PRKN: variants seen among roughly 807,000 people sequenced by gnomAD.
The protein encoded by PRKN is E3 ubiquitin-protein ligase parkin.
In PRKN, 56 loss-of-function variants were observed where a neutral mutation model predicts 59.5. The ratio of observed to expected loss-of-function variants is 0.94; its 90% CI spans 0.76 to 1.18. The LOEUF (loss-of-function observed/expected upper bound fraction) is 1.18, where lower values mean the gene tolerates loss of function less well. Among genes scored for constraint, PRKN ranks in the 50% most tolerant of loss-of-function variants. PRKN has a pLI of 0.00. For synonymous variants in PRKN, 250 were observed against 222.1 expected (o/e 1.13, Z -1.12); for missense variants, 657 against 596.4 (o/e 1.10, Z -1.06).
chr6:161,606,946 G>A (rs759501935), intron 7 of PRKN, among the ~76,000 whole-genome samples: 8 of 152,282 alleles, frequency 5.3e-5, no homozygotes, highest in Middle Eastern at 3.4e-3. Context: ...CAGGCCACCT[G>A]GCACAGCATG....
chr6:162,268,369 T>C (rs1258308375), intron 2 of PRKN, among the ~76,000 whole-genome samples: 2 of 152,168 alleles, frequency 1.3e-5, no homozygotes, highest in East Asian at 3.9e-4. Context: ...CTTTTAGCTC[T>C]TCCCCTCTTC....
At chr6:162,211,205 T>C (rs1785185830) in intron 3 of PRKN, among the ~76,000 whole-genome samples, 1 of 152,156 alleles carries the variant, frequency 6.6e-6, no homozygotes, top group Non-Finnish European at 1.5e-5. Context: ...AGATCGGCAA[T>C]TATGGACCCA....
At chr6:161,453,393 C>T (rs1382236500) in intron 9 of PRKN, among the ~76,000 whole-genome samples, 3 of 151,638 alleles carry the variant, frequency 2.0e-5, no homozygotes, top group Non-Finnish European at 4.4e-5. Flanking sequence ...TGTTTTCTAT[C>T]ACCTTGGCTT....
At chr6:162,198,325 T>C (rs1328049189) in intron 4 of PRKN, among the ~76,000 whole-genome samples, 1 of 151,904 alleles carries the variant, frequency 6.6e-6, no homozygotes, top group African/African-American at 2.4e-5. Context: ...CAGGGTGGCA[T>C]GACATCATCA....
At chr6:162,446,576 T>C (rs929604697) in intron 1 of PRKN, among the ~76,000 whole-genome samples, 1 of 152,338 alleles carries the variant, frequency 6.6e-6, no homozygotes, top group South Asian at 2.1e-4. Context: ...TCATAAATAC[T>C]ACGGATATGA....
At position 161,419,047 on chromosome 6, in the gene PRKN, C is replaced by T. The variant is rs970557662; in HGVS notation, c.1084-32170G>A. Among the ~76,000 whole-genome samples the T allele has an allele frequency of 1.3e-5, 2 of 152,144 alleles. No individual in the cohort carries two copies. Among genetic ancestry groups the T allele is most frequent in the Admixed American group, 6.5e-5 (1 of 15,274 alleles). The stretch of plus-strand genomic sequence containing the variant: ...TCTGAAAATACGTTGGATGTAAACA[C>T]ATCGTTTACATGAAGGACATGGAAT... On this transcript the variant is annotated intron_variant, in intron 9 of 11. Coordinates refer to ENST00000366898, the MANE Select transcript of PRKN (RefSeq NM_004562.3). The surrounding 1 kb of genome is among the most constrained non-coding windows in gnomAD (Gnocchi z 4.1).
chr6:162,127,636 G>A (rs754316533), intron 4 of PRKN, among the ~76,000 whole-genome samples: 6 of 152,162 alleles, frequency 3.9e-5, no homozygotes, highest in Non-Finnish European at 5.9e-5. Context: ...GTGCATCGTT[G>A]AGTCATAGGG....
At chr6:162,057,997 G>T (rs1384050019) in intron 4 of PRKN, among the ~76,000 whole-genome samples, 1 of 152,058 alleles carries the variant, frequency 6.6e-6, no homozygotes, top group African/African-American at 2.4e-5. Flanking sequence ...TCCTTTGAGG[G>T]GAACCCAGAG....
intron 3 of PRKN, among the ~76,000 whole-genome samples, chr6:162,222,075 C>T (rs191091297): frequency 4.6e-5 from 7 of 152,082 alleles, no homozygotes; most frequent in East Asian, 3.9e-4. Context: ...GTTTGAATAA[C>T]GACCTTTTAC....
In PRKN at chr6:162,259,261, C is replaced by G. The variant is rs1024265974; in HGVS notation, c.412+3264G>C. Among the ~76,000 whole-genome samples, 8 of 152,294 alleles carry G rather than the reference C, an allele frequency of 5.3e-5. No homozygotes were observed. The South Asian group carries it at 8.3e-4, about 16-fold the overall frequency. ...GTGTGTTCACCTCTCACCGACCTGC[C>G]TCTGTTCTCCCACCCAGCGTCCGAT... is the stretch of plus-strand genomic sequence containing the variant. On this transcript the variant is annotated intron_variant, in intron 3 of 11. Transcript: ENST00000366898.
intron 4 of PRKN, among the ~76,000 whole-genome samples, chr6:162,177,042 C>A (rs1345276984): frequency 3.3e-5 from 5 of 149,400 alleles, no homozygotes; most frequent in African/African-American, 1.2e-4. Flanking sequence ...TACTCACACA[C>A]AAAAAAATAA....
chr6:161,747,194 T>C (rs1295939072), intron 7 of PRKN, among the ~76,000 whole-genome samples: 1 of 152,134 alleles, frequency 6.6e-6, no homozygotes, highest in African/African-American at 2.4e-5. Context: ...TCCTATAATA[T>C]AACCTATTGC....
intron 1 of PRKN, among the ~76,000 whole-genome samples, chr6:162,542,805 G>A (rs1778975062): frequency 6.6e-6 from 1 of 152,046 alleles, no homozygotes; most frequent in Admixed American, 6.6e-5. Context: ...CCTCCACCCG[G>A]GGCACAGAGC....
chr6:161,495,002 A>G (rs1777693153), intron 9 of PRKN, among the ~76,000 whole-genome samples: 1 of 152,236 alleles, frequency 6.6e-6, no homozygotes, highest in African/African-American at 2.4e-5. Context: ...TGCGAGCCAC[A>G]CATATAAATT....
At chr6:162,412,700 T>C (rs1193261148) in intron 2 of PRKN, among the ~76,000 whole-genome samples, 3 of 152,124 alleles carry the variant, frequency 2.0e-5, no homozygotes, top group Non-Finnish European at 4.4e-5. Flanking sequence ...TCTTCAAAGC[T>C]CAACTGCAAG....
chr6:161,768,066 A>C (rs1423607894), intron 7 of PRKN, among the ~76,000 whole-genome samples: 2 of 132,898 alleles, frequency 1.5e-5, no homozygotes, highest in Non-Finnish European at 3.3e-5. Context: ...GTTCAAATCT[A>C]GTCTAATTAA....
At chr6:161,666,078 A>G (rs545545410) in intron 7 of PRKN, among the ~76,000 whole-genome samples, 1 of 152,320 alleles carries the variant, frequency 6.6e-6, no homozygotes, top group East Asian at 1.9e-4. Flanking sequence ...CAGTCCCGTG[A>G]GCCTCTTCTA....
intron 7 of PRKN, among the ~76,000 whole-genome samples, chr6:161,784,351 A>G (rs1790328511): frequency 6.6e-6 from 1 of 152,244 alleles, no homozygotes. Flanking sequence ...AAGAAAGTGA[A>G]AAGACAACCT....
chr6:161,979,519 C>T (rs975234488), intron 5 of PRKN, among the ~76,000 whole-genome samples: 1 of 152,100 alleles, frequency 6.6e-6, no homozygotes, highest in Non-Finnish European at 1.5e-5. Flanking sequence ...AGTGATCCAC[C>T]CACCTCAGCC....
Sources: gnomAD v4.1 joint callset for allele counts (sites outside exome capture counted in the v4.1 genomes callset) on GRCh38, gnomAD v4.1.1 for gene constraint, Gnocchi (gnomAD v3.1) non-coding constraint, MANE v1.5 for transcripts, NCBI Gene and HGNC (gene_info 2026-07-23, HGNC 2026-07-21) for gene names.